Variants in ADAMTS9 observed in about 807,000 individuals in gnomAD.
ADAMTS9 encodes A disintegrin and metalloproteinase with thrombospondin motifs 9.
A neutral mutation model predicts 257.1 loss-of-function variants in ADAMTS9; 107 were observed. The observed-to-expected ratio is 0.42, with a 90% CI of 0.36 to 0.49. The LOEUF is 0.49. ADAMTS9 is among the 20% of genes least tolerant of loss of function. The pLI is 0.03. For synonymous variants in ADAMTS9, 982 were observed against 880.9 expected (o/e 1.11, Z -2.03); for missense variants, 2,353 against 2,469.1 (o/e 0.95, Z 1.00).
chr3:64,631,944 T>G lies in ADAMTS9; in HGVS notation c.2176-19A>C, dbSNP rs760166520. 9.7e-6 allele frequency: 15 copies of G among 1,553,138 alleles called. No individual in the cohort carries two copies. Among genetic ancestry groups the G allele is most frequent in the Non-Finnish European group, 1.2e-5 (14 of 1,125,646 alleles). On this transcript the variant is annotated intron_variant, in intron 14 of 39. Coordinates refer to ENST00000498707, the MANE Select transcript of ADAMTS9 (RefSeq NM_182920.2). Reference sequence around the variant, plus strand: ...CAGCTTGCTTTTAAAAAGAAAAGATTTGAAATAAATGTAAGCATTATAGAG... The same window carrying G: ...CAGCTTGCTTTTAAAAAGAAAAGATGTGAAATAAATGTAAGCATTATAGAG...
chr3:64,593,736 T>C (rs1310774866), intron 28 of ADAMTS9, among the ~76,000 whole-genome samples: 3 of 152,186 alleles, frequency 2.0e-5, no homozygotes, highest in East Asian at 1.9e-4. Flanking sequence ...GTCTTTTGCA[T>C]TTTTAAATGA....
At chr3:64,656,048 A>G (rs532307592) in intron 4 of ADAMTS9, 173 bp from the exon 5 acceptor site, 1 of 522,164 alleles carries the variant, frequency 1.9e-6, no homozygotes, top group African/African-American at 1.9e-5. Context: ...TCTTCATAAA[A>G]TTCATAGATC....
chr3:64,541,440 A>G (rs1376322324), intron 34 of ADAMTS9, 26 bp from the exon 35 acceptor site: 7 of 1,612,356 alleles, frequency 4.3e-6, no homozygotes, highest in Non-Finnish European at 5.9e-6. Flanking sequence ...TAACCCATGA[A>G]GAGTGGCTCA....
intron 38 of ADAMTS9, among the ~76,000 whole-genome samples, chr3:64,523,377 A>G (rs1446387100): frequency 6.6e-6 from 1 of 152,182 alleles, no homozygotes; most frequent in Non-Finnish European, 1.5e-5. Context: ...ATTAGACTCT[A>G]TGAAGAGTCT....
At chr3:64,534,465 G>A (rs1014280972) in intron 37 of ADAMTS9, among the ~76,000 whole-genome samples, 1 of 152,196 alleles carries the variant, frequency 6.6e-6, no homozygotes, top group Non-Finnish European at 1.5e-5. Flanking sequence ...CTTATTGAGA[G>A]CAGGGCCTTA....
chr3:64,532,799 C>A (rs539803138), intron 38 of ADAMTS9, among the ~76,000 whole-genome samples: 1 of 152,284 alleles, frequency 6.6e-6, no homozygotes, highest in South Asian at 2.1e-4. Context: ...AAGAAGAGGT[C>A]ATTTCCCCTC....
At chr3:64,526,315 C>T (rs1424141087) in intron 38 of ADAMTS9, among the ~76,000 whole-genome samples, 4 of 151,556 alleles carry the variant, frequency 2.6e-5, no homozygotes, top group Admixed American at 6.6e-5. Flanking sequence ...TATGATATAT[C>T]GATAAAAATA....
In ADAMTS9 at chr3:64,593,960, GATGTGTGT is replaced by G. The variant is rs760361304; in HGVS notation, c.4356+290_4356+297del. On this transcript the variant is annotated intron_variant, in intron 28 of 39. Coordinates refer to ENST00000498707, the MANE Select transcript of ADAMTS9 (RefSeq NM_182920.2). ...AATCACTATGTATGTGTGTGTGTAT[GATGTGTGT>G]GTGTGTGTGTGTGTGTGTGTGTGTG... is the stretch of plus-strand genomic sequence containing the variant. Among the ~76,000 whole-genome samples the G allele has an allele frequency of 3.4e-3, 233 of 69,382 alleles. 1 individual carries two copies. The highest frequency in any genetic ancestry group is 0.011 in the African/African-American group (222 of 19,986). The allele number at this position is 69,382 out of a possible 152,430, so 45.5% of individuals were successfully genotyped here. A position where few individuals can be genotyped will look rare whatever the true frequency, so the allele number is the denominator to read the frequency against.
intron 28 of ADAMTS9, among the ~76,000 whole-genome samples, chr3:64,593,999 GTGTA>G (rs943297852): frequency 0.018 from 2,729 of 149,896 alleles, 83 homozygotes; most frequent in African/African-American, 0.062. Context: ...GTGTGTGTGT[GTGTA>G]TTTAGGCTAA....
intron 28 of ADAMTS9, chr3:64,589,688 A>C (rs944534920): frequency 3.9e-5 from 6 of 152,192 alleles, no homozygotes; most frequent in African/African-American, 7.2e-5. Context: ...TTCACCCATG[A>C]ATACCATAAT....
intron 19 of ADAMTS9, 54 bp downstream of exon 19, chr3:64,621,060 C>A: frequency 6.4e-7 from 1 of 1,560,250 alleles, no homozygotes; most frequent in South Asian, 1.2e-5. Context: ...GCTGGGACCT[C>A]CTGCAAGACT....
intron 28 of ADAMTS9, among the ~76,000 whole-genome samples, chr3:64,591,493 A>C (rs2084258601): frequency 6.6e-6 from 1 of 152,118 alleles, no homozygotes; most frequent in Non-Finnish European, 1.5e-5. Context: ...AAAAGAGTCC[A>C]AAGGCCCATT....
intron 6 of ADAMTS9, 110 bp from the exon 7 acceptor site, chr3:64,654,722 G>T: frequency 2.4e-6 from 3 of 1,271,250 alleles, no homozygotes; most frequent in South Asian, 1.4e-5. Context: ...TTTGGGGTGG[G>T]GGTTAAAAAA....
intron 37 of ADAMTS9, among the ~76,000 whole-genome samples, chr3:64,537,579 C>T (rs180988038): frequency 5.6e-4 from 86 of 152,226 alleles, no homozygotes; most frequent in African/African-American, 1.9e-3. Context: ...AGCTTGAGGC[C>T]GAAAAAACGC....
intron 39 of ADAMTS9, among the ~76,000 whole-genome samples, 183 bp downstream of exon 39, chr3:64,521,983 C>T (rs1233696295): frequency 6.6e-6 from 1 of 152,126 alleles, no homozygotes; most frequent in Non-Finnish European, 1.5e-5. Flanking sequence ...TGTCTAATGG[C>T]AGAGAACTGA....
intron 38 of ADAMTS9, 123 bp from the exon 39 acceptor site, chr3:64,522,383 C>A: frequency 1.3e-6 from 1 of 776,360 alleles, no homozygotes; most frequent in Non-Finnish European, 2.1e-6. Context: ...ATGTGAAGCC[C>A]AACATACTCA....
intron 23 of ADAMTS9, among the ~76,000 whole-genome samples, chr3:64,605,587 C>T (rs1028314879): frequency 6.6e-6 from 1 of 152,168 alleles, no homozygotes; most frequent in African/African-American, 2.4e-5. Context: ...TGGGAATAGC[C>T]TGGGTTCAAA....
At chr3:64,635,094 A>C (rs1031558513) in intron 12 of ADAMTS9, among the ~76,000 whole-genome samples, 1 of 152,106 alleles carries the variant, frequency 6.6e-6, no homozygotes, top group African/African-American at 2.4e-5. Flanking sequence ...ACACTGCCCA[A>C]TCTAATCTGA....
chr3:64,543,377 T>A (rs551505691), intron 32 of ADAMTS9, among the ~76,000 whole-genome samples: 35 of 152,226 alleles, frequency 2.3e-4, no homozygotes, highest in Non-Finnish European at 5.0e-4. Context: ...CATAAAATAC[T>A]GGCAAACCGA....
Sources: allele counts gnomAD v4.1 joint callset (sites outside exome capture counted in the v4.1 genomes callset), GRCh38; gene constraint gnomAD v4.1.1; transcripts MANE v1.5; gene names NCBI Gene and HGNC (gene_info 2026-07-23, HGNC 2026-07-21).